The following ITGA9 variants were observed in gnomAD, a reference collection of about 807,000 sequenced individuals.
ITGA9 encodes integrin alpha-9.
ITGA9 carries 56 observed loss-of-function variants against 127.8 expected under a neutral mutation model. That is an observed-to-expected ratio of 0.44 (90% CI 0.35 to 0.55). The LOEUF (loss-of-function observed/expected upper bound fraction) is 0.55. Among genes scored for constraint, ITGA9 ranks in the 20% least tolerant of loss-of-function variants. The pLI is 0.00. For missense variants in ITGA9, 1,196 were observed against 1,347.1 expected (o/e 0.89, Z 1.76); for synonymous variants, 508 against 514.5 (o/e 0.99, Z 0.17).
chr3:37,810,031 T>G (rs889211972), intron 27 of ITGA9, among the ~76,000 whole-genome samples: 1 of 152,234 alleles, frequency 6.6e-6, no homozygotes, highest in African/African-American at 2.4e-5. Flanking sequence ...GGTTGCCCAC[T>G]TCACTGAGGG....
intron 15 of ITGA9, chr3:37,585,631 G>A (rs752873557): frequency 1.9e-6 from 1 of 516,422 alleles, no homozygotes; most frequent in Admixed American, 1.9e-5. Flanking sequence ...TTCCAAGAAG[G>A]GAACATGAAG....
At chr3:37,630,234 C>T (rs1196620845) in intron 16 of ITGA9, among the ~76,000 whole-genome samples, 5 of 152,002 alleles carry the variant, frequency 3.3e-5, no homozygotes, top group Admixed American at 3.3e-4. Flanking sequence ...TTTGAGATAT[C>T]CATCCAGGTG....
Position 37,662,196 on chromosome 3 carries a change from G to T in ITGA9, c.1916+8406G>T, listed in dbSNP as rs919755641. Among the ~76,000 whole-genome samples, 3 of 152,102 alleles carry T rather than the reference G, an allele frequency of 2.0e-5. No homozygotes were observed. The South Asian group carries it at 6.2e-4, about 32-fold the overall frequency. ...GCAGATGGATTGCTTGAGCTCAGGA[G>T]TTTGAGACTAGCCTGGGCAACATGT... On this transcript the variant is annotated intron_variant, in intron 17 of 27. Coordinates refer to ENST00000264741, the MANE Select transcript of ITGA9 (RefSeq NM_002207.3).
At chr3:37,554,037 G>A (rs1012683657) in intron 15 of ITGA9, among the ~76,000 whole-genome samples, 15 of 152,084 alleles carry the variant, frequency 9.9e-5, no homozygotes, top group African/African-American at 3.6e-4. Flanking sequence ...GCCGTAGGCT[G>A]GGGGGCCCTC....
intron 1 of ITGA9, among the ~76,000 whole-genome samples, chr3:37,464,137 G>A (rs1698345713): frequency 6.6e-6 from 1 of 151,712 alleles, no homozygotes; most frequent in Non-Finnish European, 1.5e-5. Context: ...GTGTGTGTGT[G>A]TGTGTGTGTG....
chr3:37,592,337 G>A (rs1047456417), intron 15 of ITGA9, among the ~76,000 whole-genome samples: 1 of 152,054 alleles, frequency 6.6e-6, no homozygotes, highest in Non-Finnish European at 1.5e-5. Flanking sequence ...CTTCCTCCAC[G>A]TGGTGATTCT....
chr3:37,712,129 C>G (rs1701086310), intron 18 of ITGA9, among the ~76,000 whole-genome samples: 1 of 151,668 alleles, frequency 6.6e-6, no homozygotes, highest in African/African-American at 2.4e-5. Flanking sequence ...TCCTATGCGG[C>G]AGGAGCTGTA....
intron 16 of ITGA9, among the ~76,000 whole-genome samples, chr3:37,644,794 G>A (rs926269100): frequency 2.0e-5 from 3 of 152,182 alleles, no homozygotes; most frequent in African/African-American, 7.2e-5. Flanking sequence ...AGGACAATTT[G>A]TACAGACCCT....
chr3:37,766,121 G>A (rs1027509785), intron 23 of ITGA9, among the ~76,000 whole-genome samples: 1 of 152,252 alleles, frequency 6.6e-6, no homozygotes, highest in Non-Finnish European at 1.5e-5. Flanking sequence ...GATAAACAGG[G>A]CTCATCGGCC....
At chr3:37,605,943 A>C (rs1446736310) in intron 15 of ITGA9, among the ~76,000 whole-genome samples, 1 of 152,030 alleles carries the variant, frequency 6.6e-6, no homozygotes, top group African/African-American at 2.4e-5. Context: ...TGAGTATGAT[A>C]TAGTGTGCAT....
chr3:37,751,265 C>A (rs188690362), intron 23 of ITGA9, among the ~76,000 whole-genome samples: 40 of 152,338 alleles, frequency 2.6e-4, no homozygotes, highest in Non-Finnish European at 4.1e-4. Flanking sequence ...TCCATGGCAT[C>A]CCCTTGTCTT....
chr3:37,575,152 G>A (rs545886828), intron 15 of ITGA9, among the ~76,000 whole-genome samples: 13 of 152,226 alleles, frequency 8.5e-5, no homozygotes, highest in East Asian at 3.9e-4. Context: ...CAAGGTACCC[G>A]TGCCCTGTGC....
intron 17 of ITGA9, among the ~76,000 whole-genome samples, chr3:37,671,988 CTTAA>C (rs1235281061): frequency 4.6e-5 from 7 of 151,988 alleles, no homozygotes; most frequent in African/African-American, 7.3e-5. Context: ...AAAAGCAGAA[CTTAA>C]TTAATGTTGC....
At chr3:37,784,865 T>C (rs763694625) in intron 25 of ITGA9, 112 bp from the exon 26 acceptor site, 23 of 835,278 alleles carry the variant, frequency 2.8e-5, no homozygotes, top group Non-Finnish European at 4.3e-5. Flanking sequence ...AATGATAAAA[T>C]TTTTGTCTGG....
chr3:37,748,939 TA>T (rs549488698), intron 22 of ITGA9: 18,100 of 517,218 alleles, frequency 0.035, 1 homozygote, highest in South Asian at 0.049. Context: ...CTGGACTGTT[TA>T]AAAAAAAAAA....
chr3:37,523,421 A>T, intron 11 of ITGA9, 100 bp from the exon 12 acceptor site: 1 of 942,800 alleles, frequency 1.1e-6, no homozygotes, highest in Non-Finnish European at 1.7e-6. Flanking sequence ...CAACAACTTT[A>T]AGACCAAGTG....
chr3:37,757,198 C>T (rs1000806189), intron 23 of ITGA9, among the ~76,000 whole-genome samples: 11 of 151,714 alleles, frequency 7.3e-5, no homozygotes, highest in African/African-American at 2.7e-4. Flanking sequence ...AAAATAATAA[C>T]AACAAAAGTA....
chr3:37,709,803 A>G (rs552396069), intron 18 of ITGA9, among the ~76,000 whole-genome samples: 1 of 152,350 alleles, frequency 6.6e-6, no homozygotes, highest in East Asian at 1.9e-4. Context: ...TAGGTTTTGG[A>G]AAGTCCGGAG....
intron 17 of ITGA9, among the ~76,000 whole-genome samples, chr3:37,668,727 C>T (rs1027219938): frequency 6.6e-6 from 1 of 152,194 alleles, no homozygotes; most frequent in Non-Finnish European, 1.5e-5. Context: ...TGCACACACC[C>T]TCTCATCAGC....
Sources: allele counts gnomAD v4.1 joint callset (sites outside exome capture counted in the v4.1 genomes callset), GRCh38; gene constraint gnomAD v4.1.1; transcripts MANE v1.5; gene names NCBI Gene and HGNC (gene_info 2026-07-23, HGNC 2026-07-21).